Variants in ZFHX3 observed in about 807,000 individuals in gnomAD.
The protein encoded by ZFHX3 is zinc finger homeobox 3.
ZFHX3 carries 42 observed loss-of-function variants against 279.1 expected under a neutral mutation model. The observed-to-expected ratio is 0.15, with a 90% CI of 0.12 to 0.19. The LOEUF is 0.19. Ranked by LOEUF, ZFHX3 falls within the 10% of genes least tolerant of loss-of-function variation. The probability of loss-of-function intolerance (pLI) is 1.00; values close to 1 mark genes in which losing one functional copy is unlikely to be tolerated. For synonymous variants in ZFHX3, 2,293 were observed against 1,957.8 expected (o/e 1.17, Z -4.52); for missense variants, 4,981 against 4,754.0 (o/e 1.05, Z -1.40).
chr16:73,047,579 G>C (rs1036200440), intron 1 of ZFHX3, among the ~76,000 whole-genome samples, 173 bp downstream of exon 1: 3 of 152,190 alleles, frequency 2.0e-5, no homozygotes, highest in Admixed American at 6.5e-5. Context: ...GTGCCCAGCA[G>C]AATTTAGGCG....
intron 3 of ZFHX3, among the ~76,000 whole-genome samples, chr16:73,366,175 T>A (rs2016525107): frequency 6.6e-6 from 1 of 152,202 alleles, no homozygotes; most frequent in African/African-American, 2.4e-5. Flanking sequence ...ATGGGAATGA[T>A]GTTGGCAAAT....
chr16:73,359,776 T>A (rs908361901), intron 3 of ZFHX3, among the ~76,000 whole-genome samples: 1 of 152,210 alleles, frequency 6.6e-6, no homozygotes, highest in Non-Finnish European at 1.5e-5. Context: ...AGTTGGTGCA[T>A]GTTTAAGGTC....
intron 1 of ZFHX3, among the ~76,000 whole-genome samples, chr16:73,759,133 A>C (rs564634668): frequency 1.3e-5 from 2 of 152,350 alleles, no homozygotes; most frequent in Admixed American, 6.5e-5. Context: ...ATACTGACTT[A>C]AACAAGACAG....
chr16:73,352,481 T>C (rs1264355512), intron 3 of ZFHX3, among the ~76,000 whole-genome samples: 2 of 133,328 alleles, frequency 1.5e-5, no homozygotes, highest in African/African-American at 5.8e-5. Context: ...TCTCTTTTTT[T>C]TTTTTTTTTT....
intron 1 of ZFHX3, among the ~76,000 whole-genome samples, chr16:73,017,611 C>T (rs535030820): frequency 2.6e-5 from 4 of 152,138 alleles, no homozygotes; most frequent in Non-Finnish European, 5.9e-5. Flanking sequence ...TGGTCTTTAG[C>T]ACAACCTATC....
At chr16:73,563,291 G>A (rs573445559) in intron 2 of ZFHX3, among the ~76,000 whole-genome samples, 4 of 150,556 alleles carry the variant, frequency 2.7e-5, no homozygotes, top group African/African-American at 4.9e-5. Flanking sequence ...GGGCTGGAGC[G>A]CATTGGTGTG....
chr16:73,474,077 G>C (rs773109966), intron 2 of ZFHX3, among the ~76,000 whole-genome samples: 1 of 152,116 alleles, frequency 6.6e-6, no homozygotes, highest in Non-Finnish European at 1.5e-5. Flanking sequence ...AATGAAACAA[G>C]AGTTGGAAAC....
chr16:73,026,688 A>C (rs1000761858), intron 1 of ZFHX3, among the ~76,000 whole-genome samples: 11 of 151,850 alleles, frequency 7.2e-5, no homozygotes, highest in African/African-American at 2.4e-4. Context: ...AAAAAAAAAA[A>C]AAAAAAACAC....
chr16:73,693,324 G>A (rs1002223488), intron 1 of ZFHX3, among the ~76,000 whole-genome samples: 62 of 152,106 alleles, frequency 4.1e-4, no homozygotes, highest in Non-Finnish European at 9.0e-4. Flanking sequence ...GTTTTATTGT[G>A]ATGTTTGCAT....
rs118167724 is a variant in ZFHX3 at position 73,340,536 on chromosome 16, G to T, written c.-1290-22200C>A. ...CACGTCCAGCTACTTTGGTTTTTTT[G>T]TGTGTGTGTTTTTTGATTTTGTAGA... On this transcript the variant is annotated intron_variant, in intron 3 of 17. Transcript: ENST00000641206. Among the ~76,000 whole-genome samples, 975 of 152,202 alleles carry T rather than the reference G, an allele frequency of 6.4e-3. 5 individuals carry two copies. Among genetic ancestry groups the T allele is most frequent in the Non-Finnish European group, 0.01 (685 of 67,998 alleles).
intron 5 of ZFHX3, among the ~76,000 whole-genome samples, chr16:73,174,765 C>T (rs186762412): frequency 6.7e-4 from 101 of 151,696 alleles, no homozygotes; most frequent in Middle Eastern, 6.9e-3. Context: ...TGCCTATAAT[C>T]CTAGCATTCT....
chr16:73,386,211 T>A (rs1247419372), intron 3 of ZFHX3, among the ~76,000 whole-genome samples: 2 of 152,132 alleles, frequency 1.3e-5, no homozygotes, highest in African/African-American at 4.8e-5. Flanking sequence ...TCTCTCTCTC[T>A]CTCTTTCTCT....
chr16:73,202,416 C>A (rs2011638759), intron 5 of ZFHX3, among the ~76,000 whole-genome samples: 1 of 152,190 alleles, frequency 6.6e-6, no homozygotes, highest in African/African-American at 2.4e-5. Flanking sequence ...TGAACCTCAC[C>A]CAGGGTGAAT....
At chr16:72,987,541 C>G (rs73594707) in intron 1 of ZFHX3, among the ~76,000 whole-genome samples, 10,789 of 152,254 alleles carry the variant, frequency 0.071, 725 homozygotes, top group African/African-American at 0.18. Flanking sequence ...ATTGCCCCCA[C>G]ACTGTGCCTG....
intron 6 of ZFHX3, 34 bp from the exon 7 acceptor site, chr16:72,811,811 G>A (rs2036458795): frequency 6.2e-7 from 1 of 1,604,776 alleles, no homozygotes; most frequent in South Asian, 1.1e-5. Context: ...TTGAGCAACT[G>A]TGTGTGCCCC....
intron 4 of ZFHX3, among the ~76,000 whole-genome samples, chr16:73,258,358 T>TATATATATATATATATATATATATA (rs1567432751): frequency 1.3e-5 from 2 of 150,722 alleles, no homozygotes; most frequent in African/African-American, 4.9e-5. Flanking sequence ...TATATATATA[T>TATATATATATATATATATATATATA]TTGTTTTCTG....
chr16:73,174,942 C>T (rs527354203), intron 5 of ZFHX3, among the ~76,000 whole-genome samples: 42 of 151,198 alleles, frequency 2.8e-4, no homozygotes, highest in East Asian at 1.6e-3. Flanking sequence ...GCAGGAGAAA[C>T]GCTTGAACCT....
chr16:73,283,537 C>T (rs1597261116), intron 4 of ZFHX3, among the ~76,000 whole-genome samples: 1 of 152,124 alleles, frequency 6.6e-6, no homozygotes, highest in East Asian at 1.9e-4. Context: ...AATGGGGGAC[C>T]CAGATAATAA....
chr16:73,535,216 A>G (rs1679186716), intron 2 of ZFHX3, among the ~76,000 whole-genome samples: 1 of 152,236 alleles, frequency 6.6e-6, no homozygotes, highest in Non-Finnish European at 1.5e-5. Flanking sequence ...ATAGGCATAT[A>G]TAACTTCAAA....
Sources: gnomAD v4.1 joint callset for allele counts (sites outside exome capture counted in the v4.1 genomes callset) on GRCh38, gnomAD v4.1.1 for gene constraint, MANE v1.5 for transcripts, NCBI Gene and HGNC (gene_info 2026-07-23, HGNC 2026-07-21) for gene names.